Variants in RAI1 observed in about 807,000 individuals in gnomAD.
The protein encoded by RAI1 is retinoic acid-induced protein 1.
A neutral mutation model predicts 123.8 loss-of-function variants in RAI1; 9 were observed. The ratio of observed to expected loss-of-function variants is 0.07; its 90% CI spans 0.04 to 0.13. The LOEUF is 0.13. Ranked by LOEUF, RAI1 falls within the 10% of genes least tolerant of loss-of-function variation. RAI1 has a pLI of 1.00. For missense variants in RAI1, 2,256 were observed against 2,545.8 expected (o/e 0.89, Z 2.45); for synonymous variants, 1,231 against 1,127.3 (o/e 1.09, Z -1.84).
intron 2 of RAI1, among the ~76,000 whole-genome samples, chr17:17,773,081 A>G (rs1260354713): frequency 1.9e-5 from 2 of 104,010 alleles, no homozygotes; most frequent in African/African-American, 4.0e-5. Flanking sequence ...GGGTGGATGG[A>G]TGGATGGATG....
At chr17:17,707,117 C>T (rs1164864178) in intron 1 of RAI1, among the ~76,000 whole-genome samples, 1 of 152,116 alleles carries the variant, frequency 6.6e-6, no homozygotes, top group East Asian at 1.9e-4. Context: ...CGAGGCCAGC[C>T]TGGGCTACAT....
In RAI1 at chr17:17,707,659, C is replaced by A. The variant is rs138669844; in HGVS notation, c.-148-16369C>A. ...CCAGGTTGGAGTGCAGTGGCATGAT[C>A]TCAGCTCACTGCAACCTCCACCTCC... On this transcript the variant is annotated intron_variant, in intron 1 of 5. Transcript: ENST00000353383. Among the ~76,000 whole-genome samples the A allele has an allele frequency of 4.0e-3, 603 of 152,268 alleles. 4 individuals are homozygous for A. Among genetic ancestry groups the A allele is most frequent in the Middle Eastern group, 0.024 (7 of 294 alleles).
intron 2 of RAI1, among the ~76,000 whole-genome samples, chr17:17,767,936 T>C (rs2031004666): frequency 2.0e-5 from 3 of 152,134 alleles, no homozygotes; most frequent in African/African-American, 7.2e-5. Flanking sequence ...CACTTTCCCA[T>C]CTCGTGATCC....
At chr17:17,725,253 A>G (rs1048460159) in intron 2 of RAI1, among the ~76,000 whole-genome samples, 4 of 151,990 alleles carry the variant, frequency 2.6e-5, no homozygotes, top group African/African-American at 9.7e-5. Context: ...GGCCCCTCCA[A>G]CCTCAGCCTC....
intron 1 of RAI1, chr17:17,683,471 T>G (rs1430881295): frequency 6.6e-6 from 1 of 152,282 alleles, no homozygotes; most frequent in Non-Finnish European, 1.5e-5. Flanking sequence ...TCAGAGGCTT[T>G]CCTGGGACGT....
At chr17:17,802,667 T>TGG (rs1234068030) in intron 3 of RAI1, among the ~76,000 whole-genome samples, 1 of 152,016 alleles carries the variant, frequency 6.6e-6, no homozygotes, top group Non-Finnish European at 1.5e-5. Context: ...TCCCAGCTAC[T>TGG]GGGGAGGCTG....
Position 17,714,344 on chromosome 17 carries a change from G to A in RAI1, c.-148-9684G>A, listed in dbSNP as rs534959220. Among the ~76,000 whole-genome samples, 4 of 152,250 alleles carry A rather than the reference G, an allele frequency of 2.6e-5. No homozygotes were observed. Among genetic ancestry groups the A allele is most frequent in the South Asian group, 2.1e-4 (1 of 4,814 alleles). ...GGTCATTCAGCTCTCGGGACAAAGC[G>A]TGGGTGGGCCTGTGCCCTGGTGGCA... is the stretch of plus-strand genomic sequence containing the variant. On this transcript the variant is annotated intron_variant, in intron 1 of 5. Coordinates refer to ENST00000353383, the MANE Select transcript of RAI1 (RefSeq NM_030665.4). This position sits in a 1 kb window ranked among gnomAD's most constrained non-coding sequence, Gnocchi z 4.9.
At chr17:17,720,261 G>A (rs879710422) in intron 1 of RAI1, among the ~76,000 whole-genome samples, 1 of 152,180 alleles carries the variant, frequency 6.6e-6, no homozygotes, top group Non-Finnish European at 1.5e-5. Flanking sequence ...CAAACAAAAG[G>A]GCTGACATGT....
intron 2 of RAI1, among the ~76,000 whole-genome samples, chr17:17,791,843 A>G (rs1567911218): frequency 6.6e-6 from 1 of 152,058 alleles, no homozygotes; most frequent in Non-Finnish European, 1.5e-5. Flanking sequence ...CTGCTCTGAG[A>G]GGCTCCCGCA....
chr17:17,789,397 AT>A (rs2031936049), intron 2 of RAI1, among the ~76,000 whole-genome samples: 1 of 152,144 alleles, frequency 6.6e-6, no homozygotes, highest in African/African-American at 2.4e-5. Flanking sequence ...AGTCCTATAG[AT>A]TTCTGGAGGG....
intron 4 of RAI1, among the ~76,000 whole-genome samples, chr17:17,808,081 A>G (rs1014581585): frequency 2.6e-5 from 4 of 152,172 alleles, no homozygotes; most frequent in Non-Finnish European, 4.4e-5. Context: ...AGAGAGCACC[A>G]GCCTCCAGCT....
At chr17:17,722,698 C>T (rs188125403) in intron 1 of RAI1, among the ~76,000 whole-genome samples, 27 of 152,226 alleles carry the variant, frequency 1.8e-4, no homozygotes, top group Non-Finnish European at 3.7e-4. Context: ...CCTTCCCGGC[C>T]AGTAGGCGTC....
At chr17:17,759,648 G>A (rs1001704581) in intron 2 of RAI1, among the ~76,000 whole-genome samples, 3 of 152,146 alleles carry the variant, frequency 2.0e-5, no homozygotes, top group Non-Finnish European at 2.9e-5. Context: ...CACATATTTC[G>A]GGGTGAGGTT....
At chr17:17,756,743 G>A (rs2030453011) in intron 2 of RAI1, among the ~76,000 whole-genome samples, 1 of 152,228 alleles carries the variant, frequency 6.6e-6, no homozygotes, top group Non-Finnish European at 1.5e-5. Context: ...TAGTGAAGCA[G>A]ACGCTTGAGT....
At position 17,798,426 on chromosome 17, in the gene RAI1, G is replaced by C; in HGVS notation, c.5478G>C (p.Glu1826Asp). The C allele has an allele frequency of 1.9e-6, 3 of 1,610,550 alleles. No homozygotes were observed. The highest frequency in any genetic ancestry group is 2.5e-6 in the Non-Finnish European group (3 of 1,179,526). Reference sequence around the variant, plus strand: ...AGGCCCAGGAGCACTGGGTGCATGAGGCCTGTGCCGTGTGGACCGGCGGCG... The same window carrying C: ...AGGCCCAGGAGCACTGGGTGCATGACGCCTGTGCCGTGTGGACCGGCGGCG... ...GGEAQEHWVH[E>D]ACAVWTGGVY... is the part of the protein sequence containing the mutation. Residue 1826 changes from glutamate (E) to aspartate (D), a missense_variant, in exon 3 of 6, where the codon GAG (glutamate) becomes GAC (aspartate). Glu to Asp is a conservative substitution (Grantham distance 45). Coordinates refer to ENST00000353383, the MANE Select transcript of RAI1 (RefSeq NM_030665.4).
At chr17:17,712,754 C>T (rs970999067) in intron 1 of RAI1, among the ~76,000 whole-genome samples, 1 of 152,182 alleles carries the variant, frequency 6.6e-6, no homozygotes, top group Non-Finnish European at 1.5e-5. Flanking sequence ...GTGGTCAAGC[C>T]TCTCCATGGT....
chr17:17,807,644 C>G (rs907575478), intron 4 of RAI1, among the ~76,000 whole-genome samples: 1 of 152,224 alleles, frequency 6.6e-6, no homozygotes, highest in Non-Finnish European at 1.5e-5. Flanking sequence ...ACTCCCGCCC[C>G]GTGCCCCATG....
At chr17:17,803,964 C>A in intron 4 of RAI1, 115 bp downstream of exon 4, 1 of 974,354 alleles carries the variant, frequency 1.0e-6, no homozygotes, top group Non-Finnish European at 1.6e-6. Flanking sequence ...CAGTTTCCCT[C>A]CTCTCTTGCC....
At position 17,793,177 on chromosome 17, in the gene RAI1, A is replaced by G; in HGVS notation, c.229A>G (p.Lys77Glu). 1 of 1,613,158 alleles carries G rather than the reference A, an allele frequency of 6.2e-7. No homozygotes were observed. Among genetic ancestry groups the G allele is most frequent in the Non-Finnish European group, 8.5e-7 (1 of 1,179,840 alleles). Reference protein sequence around the residue: ...SGTAAAVAADKYHRGSKALPT... With the variant: ...SGTAAAVAADEYHRGSKALPT... The stretch of plus-strand genomic sequence containing the variant: ...CACTGCAGCCGCGGTGGCCGCCGAC[A>G]AGTACCACCGAGGCAGCAAGGCCCT... Residue 77 changes from lysine to glutamate, a missense_variant, in exon 3 of 6, where the codon AAG becomes GAG. By Grantham distance (56) the Lys-to-Glu change is moderately conservative (BLOSUM62 1). Transcript: ENST00000353383.
Sources: allele counts gnomAD v4.1 joint callset (sites outside exome capture counted in the v4.1 genomes callset), GRCh38; gene constraint gnomAD v4.1.1; non-coding constraint Gnocchi (gnomAD v3.1); transcripts MANE v1.5; gene names NCBI Gene and HGNC (gene_info 2026-07-23, HGNC 2026-07-21).